Variants in CNTN5 observed in about 807,000 individuals in gnomAD.
The protein encoded by CNTN5 is contactin 5.
In CNTN5, 77 loss-of-function variants were observed where a neutral mutation model predicts 129.1. That is an observed-to-expected ratio of 0.60 (90% CI 0.50 to 0.72). The LOEUF is 0.72. CNTN5 is among the 30% of genes least tolerant of loss of function. The pLI, the probability that CNTN5 is intolerant of heterozygous loss-of-function variation, is 0.00. For synonymous variants in CNTN5, 509 were observed against 465.6 expected, an observed-to-expected ratio of 1.09 and a Z score of -1.20; for missense variants, 1,478 against 1,328.8, an observed-to-expected ratio of 1.11 and a Z score of -1.75.
chr11:100,003,228 A>T (rs1939987858), intron 9 of CNTN5, among the ~76,000 whole-genome samples: 1 of 152,180 alleles, frequency 6.6e-6, no homozygotes, highest in Non-Finnish European at 1.5e-5. Flanking sequence ...CCCATCTTTT[A>T]AGCAAAAGAT....
At chr11:100,337,535 A>G in intron 21 of CNTN5, 1 of 741,390 alleles carries the variant, frequency 1.3e-6, no homozygotes, top group Non-Finnish European at 2.5e-6. Context: ...CTGTATCCCC[A>G]GTCAAGCAAG....
At chr11:99,361,802 TGGC>T (rs1939130008) in intron 2 of CNTN5, among the ~76,000 whole-genome samples, 1 of 151,702 alleles carries the variant, frequency 6.6e-6, no homozygotes, top group Admixed American at 6.6e-5. Flanking sequence ...ATCCGTGTCA[TGGC>T]ATGCATCAGA....
intron 7 of CNTN5, among the ~76,000 whole-genome samples, chr11:99,955,825 A>C (rs2136166639): frequency 6.6e-6 from 1 of 152,254 alleles, no homozygotes; most frequent in Middle Eastern, 3.4e-3. Context: ...CGGCCTCCTA[A>C]AGTGCCAGGA....
At chr11:100,116,758 A>C (rs1372626263) in intron 13 of CNTN5, among the ~76,000 whole-genome samples, 2 of 151,986 alleles carry the variant, frequency 1.3e-5, no homozygotes, top group Non-Finnish European at 2.9e-5. Context: ...ATTATTTTAC[A>C]TGTAGATTTT....
intron 13 of CNTN5, among the ~76,000 whole-genome samples, chr11:100,097,969 GT>G (rs148930179): frequency 1.3e-5 from 2 of 151,054 alleles, no homozygotes; most frequent in African/African-American, 2.4e-5. Context: ...AAATCGGGGA[GT>G]TTTTTTTTAA....
intron 13 of CNTN5, among the ~76,000 whole-genome samples, chr11:100,140,024 G>A (rs1200986593): frequency 1.3e-5 from 2 of 152,134 alleles, no homozygotes; most frequent in Non-Finnish European, 2.9e-5. Flanking sequence ...TAGCCCAGCA[G>A]GGTGTCATGA....
At chr11:99,757,770 G>A (rs913587996) in intron 3 of CNTN5, among the ~76,000 whole-genome samples, 2 of 151,994 alleles carry the variant, frequency 1.3e-5, no homozygotes, top group African/African-American at 4.8e-5. Flanking sequence ...TAGTAGCTAT[G>A]TAAGCTAAGA....
intron 7 of CNTN5, among the ~76,000 whole-genome samples, chr11:99,926,432 G>T (rs1229471973): frequency 1.3e-5 from 2 of 152,080 alleles, no homozygotes; most frequent in African/African-American, 4.8e-5. Flanking sequence ...ACCAGAAATT[G>T]TTCCTTTAAA....
At chr11:99,489,023 C>T (rs571950112) in intron 2 of CNTN5, among the ~76,000 whole-genome samples, 14 of 151,720 alleles carry the variant, frequency 9.2e-5, no homozygotes, top group Non-Finnish European at 1.3e-4. Context: ...AGAGAGCCTA[C>T]TCTATGATTT....
intron 3 of CNTN5, among the ~76,000 whole-genome samples, chr11:99,608,721 T>C (rs1950508224): frequency 6.6e-6 from 1 of 152,172 alleles, no homozygotes; most frequent in African/African-American, 2.4e-5. Flanking sequence ...CTATTTGTGG[T>C]CCTTCATTAC....
chr11:100,041,439 AT>A (rs1942373674), intron 9 of CNTN5, among the ~76,000 whole-genome samples: 1 of 152,236 alleles, frequency 6.6e-6, no homozygotes, highest in African/African-American at 2.4e-5. Flanking sequence ...TACCTTATAT[AT>A]AATTGCTGAG....
intron 1 of CNTN5, among the ~76,000 whole-genome samples, chr11:99,101,621 C>G (rs561367073): frequency 2.6e-4 from 39 of 152,300 alleles, no homozygotes; most frequent in African/African-American, 9.1e-4. Flanking sequence ...GCAGTCAAAT[C>G]TATGAACTAC....
intron 3 of CNTN5, among the ~76,000 whole-genome samples, chr11:99,786,900 C>T (rs1210437432): frequency 6.6e-6 from 1 of 152,038 alleles, no homozygotes; most frequent in African/African-American, 2.4e-5. Flanking sequence ...TTCAGTTTAC[C>T]TCAGAATGCC....
At chr11:99,031,064 TG>T (rs968399588) in intron 1 of CNTN5, among the ~76,000 whole-genome samples, 1 of 152,204 alleles carries the variant, frequency 6.6e-6, no homozygotes, top group African/African-American at 2.4e-5. Flanking sequence ...CCCAAAGTGC[TG>T]GGATTACAGG....
chr11:100,319,157 T>TC (rs200605430), intron 21 of CNTN5, among the ~76,000 whole-genome samples: 87 of 149,322 alleles, frequency 5.8e-4, no homozygotes, highest in Middle Eastern at 3.5e-3. Context: ...TCTTTTCTTT[T>TC]TTTTTTTTTT....
intron 1 of CNTN5, among the ~76,000 whole-genome samples, chr11:99,204,557 G>A (rs1449145189): frequency 6.6e-6 from 1 of 151,814 alleles, no homozygotes; most frequent in African/African-American, 2.4e-5. Context: ...TTTTTCTTTT[G>A]CCATTTTCTC....
At chr11:99,335,265 T>C (rs943544697) in intron 2 of CNTN5, among the ~76,000 whole-genome samples, 1 of 152,076 alleles carries the variant, frequency 6.6e-6, no homozygotes, top group Non-Finnish European at 1.5e-5. Flanking sequence ...TGCAATCTTG[T>C]TCTAAAGTCT....
intron 3 of CNTN5, among the ~76,000 whole-genome samples, chr11:99,703,770 G>T (rs1417923521): frequency 1.3e-5 from 2 of 150,998 alleles, no homozygotes; most frequent in East Asian, 3.9e-4. Flanking sequence ...TGGTTAATTT[G>T]ATCATTTAAC....
At chr11:99,836,407 C>T (rs930734397) in intron 4 of CNTN5, among the ~76,000 whole-genome samples, 90 of 151,364 alleles carry the variant, frequency 5.9e-4, no homozygotes, top group Non-Finnish European at 1.2e-3. Context: ...GTTTTTTGTC[C>T]TTGCGATAGT....
Sources: allele counts gnomAD v4.1 joint callset (sites outside exome capture counted in the v4.1 genomes callset), GRCh38; gene constraint gnomAD v4.1.1; transcripts MANE v1.5; gene names NCBI Gene and HGNC (gene_info 2026-07-23, HGNC 2026-07-21).